The following OSBPL10 variants were observed in gnomAD, a reference collection of about 807,000 sequenced individuals.
OSBPL10 encodes the protein oxysterol binding protein like 10.
In OSBPL10, 49 loss-of-function variants were observed where a neutral mutation model predicts 81.7. That is an observed-to-expected ratio of 0.60 (90% CI 0.48 to 0.76). The LOEUF is 0.76. Ranked by LOEUF, OSBPL10 falls within the 30% of genes least tolerant of loss-of-function variation. OSBPL10 has a pLI of 0.00. For missense variants in OSBPL10, 923 were observed against 987.8 expected, an observed-to-expected ratio of 0.93 and a Z score of 0.88; for synonymous variants, 419 against 383.6, an observed-to-expected ratio of 1.09 and a Z score of -1.08.
chr3:31,837,799 C>G (rs1384066177), intron 3 of OSBPL10, among the ~76,000 whole-genome samples: 1 of 150,428 alleles, frequency 6.6e-6, no homozygotes, highest in Admixed American at 6.6e-5. Flanking sequence ...CTATGATGTA[C>G]AAGTATTAAC....
intron 4 of OSBPL10, among the ~76,000 whole-genome samples, chr3:31,812,818 GAGAAAGAAAGAAAGAA>G (rs745663706): frequency 7.7e-5 from 2 of 25,882 alleles, no homozygotes; most frequent in East Asian, 3.2e-3. Context: ...AAGAAAGAAA[GAGAAAGAAAGAAAGAA>G]AGAAAGAAAG....
chr3:31,819,553 G>C (rs1699930339), intron 4 of OSBPL10, among the ~76,000 whole-genome samples: 1 of 152,208 alleles, frequency 6.6e-6, no homozygotes, highest in African/African-American at 2.4e-5. Context: ...GGCCACGTAG[G>C]AGTGAGGCAT....
At chr3:31,670,676 C>T (rs984100609) in intron 9 of OSBPL10, 121 bp downstream of exon 9, 7 of 1,195,198 alleles carry the variant, frequency 5.9e-6, no homozygotes, top group Admixed American at 2.3e-5. Flanking sequence ...TGGAAAAGAC[C>T]TTAACAAGTT....
At chr3:31,797,835 C>T (rs1414091144) in intron 4 of OSBPL10, 9 of 455,392 alleles carry the variant, frequency 2.0e-5, no homozygotes, top group African/African-American at 4.0e-5. Flanking sequence ...AGCATACAAG[C>T]CTTCACCTAT....
intron 1 of OSBPL10, among the ~76,000 whole-genome samples, chr3:31,917,519 C>T (rs1696793074): frequency 6.6e-6 from 1 of 150,970 alleles, no homozygotes; most frequent in Admixed American, 6.7e-5. Context: ...CCCAAACCTC[C>T]TACTCACAAG....
chr3:31,737,858 G>A (rs986013899), intron 5 of OSBPL10, among the ~76,000 whole-genome samples: 2 of 152,036 alleles, frequency 1.3e-5, no homozygotes, highest in African/African-American at 4.8e-5. Flanking sequence ...CAGGCATGGT[G>A]GCACGCACCT....
At chr3:32,008,602 T>C (rs1333428197) in intron 2 of OSBPL10, among the ~76,000 whole-genome samples, 1 of 150,552 alleles carries the variant, frequency 6.6e-6, no homozygotes, top group African/African-American at 2.4e-5. Context: ...CCACAAAAGC[T>C]AGCAGAGAGT....
chr3:32,033,865 T>A (rs1225453176), intron 2 of OSBPL10, among the ~76,000 whole-genome samples: 3 of 152,080 alleles, frequency 2.0e-5, no homozygotes, highest in Non-Finnish European at 2.9e-5. Flanking sequence ...GAGTTTGAGA[T>A]CAGCCTGGGC....
At chr3:31,817,253 C>G (rs989521873) in intron 4 of OSBPL10, among the ~76,000 whole-genome samples, 1 of 152,216 alleles carries the variant, frequency 6.6e-6, no homozygotes, top group East Asian at 1.9e-4. Flanking sequence ...GGCCTGCCCC[C>G]CTTCTAGCAG....
chr3:32,073,655 C>A (rs1699851864), intron 1 of OSBPL10, among the ~76,000 whole-genome samples: 1 of 152,130 alleles, frequency 6.6e-6, no homozygotes, highest in African/African-American at 2.4e-5. Context: ...ATGCAGTCAC[C>A]CCCACTACTT....
chr3:31,749,148 T>A (rs1271147427), intron 4 of OSBPL10, among the ~76,000 whole-genome samples: 1 of 152,214 alleles, frequency 6.6e-6, no homozygotes, highest in Non-Finnish European at 1.5e-5. Context: ...TCCTACTTTG[T>A]CACTGTCATC....
intron 3 of OSBPL10, among the ~76,000 whole-genome samples, chr3:31,856,653 C>T (rs1700918885): frequency 6.6e-6 from 1 of 152,216 alleles, no homozygotes; most frequent in Non-Finnish European, 1.5e-5. Context: ...GGAGATGCAG[C>T]ATATCTTACT....
intron 10 of OSBPL10, among the ~76,000 whole-genome samples, chr3:31,666,617 T>C (rs1033767297): frequency 1.1e-4 from 17 of 152,160 alleles, no homozygotes; most frequent in Admixed American, 6.5e-5. Context: ...AGTATCCCTA[T>C]ACAGCAGTCC....
At chr3:31,870,655 C>T (rs1445736757) in intron 3 of OSBPL10, among the ~76,000 whole-genome samples, 1 of 151,946 alleles carries the variant, frequency 6.6e-6, no homozygotes, top group African/African-American at 2.4e-5. Context: ...CTCTGTATCT[C>T]GTTCAAGGTT....
At chr3:31,961,056 T>C (rs1485553164) in intron 1 of OSBPL10, among the ~76,000 whole-genome samples, 1 of 150,846 alleles carries the variant, frequency 6.6e-6, no homozygotes, top group African/African-American at 2.4e-5. Context: ...CCTTTTTTTT[T>C]TTTTTTTTTT....
At chr3:31,926,619 A>G (rs1364247243) in intron 1 of OSBPL10, among the ~76,000 whole-genome samples, 4 of 152,202 alleles carry the variant, frequency 2.6e-5, no homozygotes, top group Non-Finnish European at 5.9e-5. Flanking sequence ...TTGGTGTAAC[A>G]TAAGACAAGT....
chr3:31,829,542 A>G (rs181662966), intron 4 of OSBPL10, among the ~76,000 whole-genome samples: 1 of 152,142 alleles, frequency 6.6e-6, no homozygotes, highest in East Asian at 1.9e-4. Context: ...TTGCTCTTAA[A>G]CAAGTCTTCT....
At chr3:31,768,566 C>T (rs939277221) in intron 4 of OSBPL10, among the ~76,000 whole-genome samples, 49 of 151,714 alleles carry the variant, frequency 3.2e-4, no homozygotes, top group Non-Finnish European at 5.3e-4. Flanking sequence ...TAATTCTTTC[C>T]ACACTACAAC....
chr3:31,824,924 A>C (rs1285867436), intron 4 of OSBPL10, among the ~76,000 whole-genome samples: 1 of 152,148 alleles, frequency 6.6e-6, no homozygotes, highest in Non-Finnish European at 1.5e-5. Context: ...ATGTTTCCAT[A>C]TCAAGTAAAG....
Sources: gnomAD v4.1 joint callset for allele counts (sites outside exome capture counted in the v4.1 genomes callset) on GRCh38, gnomAD v4.1.1 for gene constraint, MANE v1.5 for transcripts, NCBI Gene and HGNC (gene_info 2026-07-23, HGNC 2026-07-21) for gene names.